The following ME1 variants were observed in gnomAD, a reference collection of about 807,000 sequenced individuals.
ME1 encodes NADP-dependent malic enzyme.
In ME1, 74 loss-of-function variants were observed where a neutral mutation model predicts 66.4. That is an observed-to-expected ratio of 1.11 (90% confidence interval 0.92 to 1.35). The LOEUF (loss-of-function observed/expected upper bound fraction) is 1.35. Among genes scored for constraint, ME1 ranks in the 40% most tolerant of loss-of-function variants. The pLI is 0.00. For synonymous variants in ME1, 251 were observed against 235.6 expected, an observed-to-expected ratio of 1.07 and a Z score of -0.60; for missense variants, 750 against 694.1, an observed-to-expected ratio of 1.08 and a Z score of -0.90.
intron 2 of ME1, among the ~76,000 whole-genome samples, chr6:83,404,645 A>G (rs1562004849): frequency 6.6e-6 from 1 of 152,162 alleles, no homozygotes; most frequent in Non-Finnish European, 1.5e-5. Flanking sequence ...TTTAGGTCTT[A>G]CGTTTAAATC....
intron 3 of ME1, among the ~76,000 whole-genome samples, chr6:83,397,971 G>A (rs1769768991): frequency 6.6e-6 from 1 of 152,174 alleles, no homozygotes; most frequent in Non-Finnish European, 1.5e-5. Context: ...CCAGAGGATA[G>A]GAGAAAGGTA....
intron 9 of ME1, among the ~76,000 whole-genome samples, chr6:83,229,515 G>T (rs1049429509): frequency 1.6e-4 from 25 of 152,142 alleles, no homozygotes; most frequent in Admixed American, 1.5e-3. Context: ...CTACATAATG[G>T]ATCACTGCCT....
chr6:83,346,289 G>C lies in ME1; in HGVS notation c.484C>G (p.Leu162Val), dbSNP rs758610279. ...DGERILGLGD[L>V]GCNGMGIPVG... is the part of the protein sequence containing the mutation. ...GGGATGCCCATTCCATTACAGCCAA[G>C]GTCTCCCAAGCCAAGAATACGCTCT... Residue 162 changes from leucine (L) to valine (V), a missense_variant, in exon 5 of 14, where the codon CTT (leucine) becomes GTT (valine). Transcript: ENST00000369705. The C allele has an allele frequency of 6.2e-7, 1 of 1,612,714 alleles. No individual in the cohort carries two copies. The highest frequency in any genetic ancestry group is 8.5e-7 in the Non-Finnish European group (1 of 1,179,234).
intron 3 of ME1, among the ~76,000 whole-genome samples, chr6:83,381,304 G>T (rs1208944609): frequency 1.2e-4 from 19 of 152,094 alleles, no homozygotes; most frequent in Non-Finnish European, 1.3e-4. Context: ...GGTTCAGGAT[G>T]GATTTGTACA....
intron 6 of ME1, among the ~76,000 whole-genome samples, chr6:83,273,252 C>T (rs1767117895): frequency 6.6e-6 from 1 of 150,956 alleles, no homozygotes; most frequent in South Asian, 2.1e-4. Flanking sequence ...CAAATTGTCC[C>T]TTTTAAGAAG....
rs991561126 is a variant in ME1 at position 83,403,813 on chromosome 6, C to T, written c.212+3955G>A. Among the ~76,000 whole-genome samples the T allele has an allele frequency of 2.0e-4, 30 of 152,148 alleles. 1 individual carries two copies. Among genetic ancestry groups the T allele is most frequent in the African/African-American group, 7.0e-4 (29 of 41,424 alleles). On this transcript the variant is annotated intron_variant, in intron 2 of 13. Transcript: ENST00000369705. ...GATGGTTTCCAGCTTATCGATGTCC[C>T]TGCAAAGGACATTAACTCATTCTTT...
intron 1 of ME1, among the ~76,000 whole-genome samples, chr6:83,425,204 C>A (rs980530549): frequency 6.6e-6 from 1 of 151,936 alleles, no homozygotes; most frequent in Admixed American, 6.5e-5. Flanking sequence ...CTATGTTTCC[C>A]AGTCTGGTCT....
chr6:83,392,414 C>A (rs959548029), intron 3 of ME1: 46 of 495,586 alleles, frequency 9.3e-5, no homozygotes, highest in Non-Finnish European at 1.7e-4. Flanking sequence ...CCCTGAGACA[C>A]CATGGTGAAG....
chr6:83,359,082 G>T (rs1457671078), intron 3 of ME1, among the ~76,000 whole-genome samples: 1 of 151,514 alleles, frequency 6.6e-6, no homozygotes, highest in African/African-American at 2.4e-5. Context: ...CTTCCCAGAT[G>T]GGGTGGCTGG....
At chr6:83,229,858 A>C (rs2128524202) in intron 9 of ME1, among the ~76,000 whole-genome samples, 1 of 152,234 alleles carries the variant, frequency 6.6e-6, no homozygotes, top group East Asian at 1.9e-4. Flanking sequence ...ATGAGGTCTC[A>C]TTTTGTCATG....
intron 5 of ME1, among the ~76,000 whole-genome samples, chr6:83,331,508 C>A (rs566977235): frequency 2.0e-5 from 3 of 151,624 alleles, no homozygotes; most frequent in Non-Finnish European, 2.9e-5. Flanking sequence ...ATTGCTTGAA[C>A]CCGGGAGGCG....
chr6:83,391,927 C>T (rs769269461), intron 3 of ME1, among the ~76,000 whole-genome samples: 1 of 152,240 alleles, frequency 6.6e-6, no homozygotes, highest in African/African-American at 2.4e-5. Context: ...AACTGACACT[C>T]CTGATCCCCC....
intron 3 of ME1, among the ~76,000 whole-genome samples, chr6:83,369,691 G>GGAAC (rs1769161017): frequency 6.7e-6 from 1 of 148,722 alleles, no homozygotes; most frequent in Non-Finnish European, 1.5e-5. Flanking sequence ...AAGGAAGGAA[G>GGAAC]GAAGGAAGGA....
chr6:83,237,731 CT>C lies in ME1; in HGVS notation c.1011del (p.Gly338AspfsTer2). ...AIKKIWLVDS[K>X]GLIVKGRASL... ...CAAATTCTTACCTTAACTATTAATC[CT>C]TTTGAATCAACCAGCCATATCTTTT... On this transcript the variant is annotated frameshift_variant, in exon 9 of 14. Transcript: ENST00000369705. LOFTEE classifies it high-confidence loss of function. 1 of 1,587,750 alleles carries C rather than the reference CT, an allele frequency of 6.3e-7. No individual in the cohort carries two copies. The highest frequency in any genetic ancestry group is 8.6e-7 in the Non-Finnish European group (1 of 1,161,768).
chr6:83,423,310 A>T (rs1176767950), intron 1 of ME1, among the ~76,000 whole-genome samples: 1 of 152,124 alleles, frequency 6.6e-6, no homozygotes, highest in African/African-American at 2.4e-5. Flanking sequence ...AAGAAAAACT[A>T]AGACAATTAG....
intron 1 of ME1, among the ~76,000 whole-genome samples, chr6:83,409,230 G>A (rs530159257): frequency 3.3e-5 from 5 of 152,300 alleles, no homozygotes; most frequent in South Asian, 2.1e-4. Flanking sequence ...ATGGTATTCC[G>A]TTATGGCAGC....
Position 83,397,852 on chromosome 6 carries a change from T to C in ME1, c.362+515A>G, listed in dbSNP as rs115046842. On this transcript the variant is annotated intron_variant, in intron 3 of 13. Coordinates refer to ENST00000369705, the MANE Select transcript of ME1 (RefSeq NM_002395.6). Reference sequence around the variant, plus strand: ...ACAATACAGATGAACCTTTAGGATATTACGTTAAGTGAAATAAGCCAGACA... The same window carrying C: ...ACAATACAGATGAACCTTTAGGATACTACGTTAAGTGAAATAAGCCAGACA... Among the ~76,000 whole-genome samples the C allele has an allele frequency of 5.8e-3, 890 of 152,328 alleles. 8 individuals are homozygous for C. Among genetic ancestry groups the C allele is most frequent in the African/African-American group, 0.02 (851 of 41,568 alleles).
chr6:83,351,396 G>C (rs1768800034), intron 4 of ME1, among the ~76,000 whole-genome samples: 1 of 152,066 alleles, frequency 6.6e-6, no homozygotes, highest in Non-Finnish European at 1.5e-5. Flanking sequence ...GAACCAAAGG[G>C]AGAACAAACA....
At chr6:83,264,178 G>A (rs1272452291) in intron 6 of ME1, among the ~76,000 whole-genome samples, 71 of 152,152 alleles carry the variant, frequency 4.7e-4, no homozygotes, top group Admixed American at 4.6e-3. Flanking sequence ...CTCTATAAAT[G>A]AAACAACAAA....
Sources: gnomAD v4.1 joint callset for allele counts (sites outside exome capture counted in the v4.1 genomes callset) on GRCh38, gnomAD v4.1.1 for gene constraint, MANE v1.5 for transcripts, NCBI Gene and HGNC (gene_info 2026-07-23, HGNC 2026-07-21) for gene names.